FDFT1: variants seen among roughly 807,000 people sequenced by gnomAD.
FDFT1 encodes the protein farnesyl-diphosphate farnesyltransferase 1, also known as squalene synthase.
A neutral mutation model predicts 46.8 loss-of-function variants in FDFT1; 68 were observed. The observed-to-expected ratio is 1.45, with a 90% CI of 1.19 to 1.78. The LOEUF (loss-of-function observed/expected upper bound fraction) is 1.78, where lower values mean the gene tolerates loss of function less well. Among genes scored for constraint, FDFT1 ranks in the 40% most tolerant of loss-of-function variants. The pLI is 0.00. For synonymous variants in FDFT1, 351 were observed against 185.1 expected, an observed-to-expected ratio of 1.90 and a Z score of -7.28; for missense variants, 928 against 524.4, an observed-to-expected ratio of 1.77 and a Z score of -7.52.
chr8:11,807,726 C>T (rs769491844), intron 1 of FDFT1, among the ~76,000 whole-genome samples: 5 of 152,212 alleles, frequency 3.3e-5, no homozygotes, highest in Non-Finnish European at 7.3e-5. Flanking sequence ...CAGTGCGCTG[C>T]ATTGCATTAA....
intron 7 of FDFT1, among the ~76,000 whole-genome samples, chr8:11,832,004 G>C (rs549033245): frequency 6.6e-6 from 1 of 152,186 alleles, no homozygotes; most frequent in South Asian, 2.1e-4. Flanking sequence ...GTTGAAGCTT[G>C]TCTGTGCTGA....
intron 4 of FDFT1, among the ~76,000 whole-genome samples, chr8:11,822,992 T>C (rs1809470287): frequency 6.6e-6 from 1 of 152,224 alleles, no homozygotes; most frequent in Non-Finnish European, 1.5e-5. Flanking sequence ...GGTCTTGCTG[T>C]TATCCAGGCT....
chr8:11,806,078 G>A (rs1027577379), intron 1 of FDFT1, among the ~76,000 whole-genome samples: 1 of 152,182 alleles, frequency 6.6e-6, no homozygotes. Flanking sequence ...AAGGCTCCGT[G>A]GAGGGCTGGT....
At chr8:11,811,647 C>T (rs911029174) in intron 3 of FDFT1, among the ~76,000 whole-genome samples, 3 of 152,214 alleles carry the variant, frequency 2.0e-5, no homozygotes, top group African/African-American at 7.2e-5. Flanking sequence ...CAGATGTGAA[C>T]ACTGAACTCA....
At chr8:11,828,226 T>C (rs1810280486) in intron 5 of FDFT1, among the ~76,000 whole-genome samples, 1 of 152,136 alleles carries the variant, frequency 6.6e-6, no homozygotes, top group Non-Finnish European at 1.5e-5. Context: ...AGTTCAAGGC[T>C]GCAGTGAACC....
intron 6 of FDFT1, 138 bp downstream of exon 6, chr8:11,830,558 C>A (rs1464204021): frequency 4.6e-6 from 3 of 648,840 alleles, no homozygotes; most frequent in East Asian, 2.7e-5. Flanking sequence ...CTGGGAGTTT[C>A]ATAGCACCCG....
At chr8:11,797,370 A>G (rs1269772340), upstream of FDFT1, among the ~76,000 whole-genome samples, 1 of 152,194 alleles carries the variant, frequency 6.6e-6, no homozygotes, top group African/African-American at 2.4e-5. Flanking sequence ...AGGGAGCTGG[A>G]TTAGGGGCTC....
chr8:11,823,770 G>T (rs1243343250), intron 4 of FDFT1, among the ~76,000 whole-genome samples: 3 of 152,034 alleles, frequency 2.0e-5, no homozygotes, highest in East Asian at 1.9e-4. Flanking sequence ...TTGAGACAGG[G>T]TATTGCTCTG....
intron 6 of FDFT1, among the ~76,000 whole-genome samples, chr8:11,830,876 G>A (rs1224627695): frequency 2.6e-5 from 4 of 152,172 alleles, no homozygotes; most frequent in East Asian, 1.9e-4. Context: ...ACACTTTTTA[G>A]TTGCCTTTAC....
chr8:11,808,260 G>T (rs1002235918), intron 1 of FDFT1: 2 of 1,211,782 alleles, frequency 1.7e-6, no homozygotes, highest in African/African-American at 3.1e-5. Context: ...CTGTCACTGG[G>T]AGGACGAGCG....
upstream of FDFT1, among the ~76,000 whole-genome samples, chr8:11,799,529 G>C (rs1805891077): frequency 2.0e-5 from 3 of 152,196 alleles, no homozygotes; most frequent in South Asian, 4.1e-4. Context: ...TTAGTCTTAT[G>C]ATCTCTGTTT....
intron 1 of FDFT1, among the ~76,000 whole-genome samples, chr8:11,804,794 A>T (rs906373907): frequency 9.9e-5 from 15 of 151,380 alleles, no homozygotes; most frequent in Non-Finnish European, 1.9e-4. Flanking sequence ...TTTTTAGTAG[A>T]GACGGGGTTT....
At chr8:11,829,098 C>T (rs1479049928) in intron 5 of FDFT1, among the ~76,000 whole-genome samples, 4 of 152,194 alleles carry the variant, frequency 2.6e-5, no homozygotes, top group Admixed American at 6.5e-5. Flanking sequence ...GGTCGCTCCA[C>T]CATTTTACAT....
At chr8:11,817,951 T>C (rs922379883) in intron 3 of FDFT1, among the ~76,000 whole-genome samples, 19 of 152,332 alleles carry the variant, frequency 1.2e-4, no homozygotes, top group Admixed American at 1.0e-3. Flanking sequence ...AATTGTGATG[T>C]TAAGGTGTTG....
In FDFT1 at chr8:11,802,844, G is replaced by A. The variant is rs765807397; in HGVS notation, c.12G>A (p.Val4=). The change falls in exon 1 of 8, where the codon GTG becomes GTA. Residue 4 remains valine, a synonymous_variant. Coordinates refer to ENST00000220584, the MANE Select transcript of FDFT1 (RefSeq NM_004462.5). MEF[V]KCLGHPEEFY... The stretch of plus-strand genomic sequence containing the variant: ...CCGCCTGCGCCAGGATGGAGTTCGT[G>A]AAATGCCTTGGCCACCCCGAAGAGT... The A allele has an allele frequency of 4.7e-5, 76 of 1,610,720 alleles. 1 individual carries two copies. The South Asian group carries it at 5.3e-4, about 11-fold the overall frequency.
chr8:11,813,212 A>C (rs1286596302), intron 3 of FDFT1, among the ~76,000 whole-genome samples: 1 of 152,236 alleles, frequency 6.6e-6, no homozygotes, highest in East Asian at 1.9e-4. Flanking sequence ...ACATCATTAT[A>C]CAGTACATGA....
chr8:11,832,562 A>AAAAAAAAAAC, intron 7 of FDFT1, among the ~76,000 whole-genome samples: 1 of 147,944 alleles, frequency 6.8e-6, no homozygotes, highest in Non-Finnish European at 1.5e-5. Context: ...AAAAAAAAAA[A>AAAAAAAAAAC]AAAAAAAAAA....
At chr8:11,826,894 G>A (rs962366) in intron 5 of FDFT1, among the ~76,000 whole-genome samples, 83,460 of 152,026 alleles carry the variant, frequency 0.55, 23,406 homozygotes, top group Non-Finnish European at 0.59. Context: ...CTCTGGCCTC[G>A]CCTGGATTAC....
chr8:11,831,778 C>G (rs969466166), intron 7 of FDFT1, 108 bp downstream of exon 7: 6 of 955,260 alleles, frequency 6.3e-6, no homozygotes, highest in East Asian at 4.8e-5. Context: ...ATTCACTATC[C>G]TGTGGCCTAA....
Sources: gnomAD v4.1 joint callset for allele counts (sites outside exome capture counted in the v4.1 genomes callset) on GRCh38, gnomAD v4.1.1 for gene constraint, MANE v1.5 for transcripts, NCBI Gene and HGNC (gene_info 2026-07-23, HGNC 2026-07-21) for gene names.